The following KIAA1549 variants were observed in gnomAD, a reference collection of about 807,000 sequenced individuals.
KIAA1549 encodes the protein KIAA1549, also known as UPF0606 protein KIAA1549.
In KIAA1549, 70 loss-of-function variants were observed where a neutral mutation model predicts 156.4. That is an observed-to-expected ratio of 0.45 (90% CI 0.37 to 0.55). The LOEUF is 0.55. KIAA1549 is among the 20% of genes least tolerant of loss of function. The probability of loss-of-function intolerance (pLI) is 0.00; values close to 1 mark genes in which losing one functional copy is unlikely to be tolerated. For synonymous variants in KIAA1549, 1,103 were observed against 1,066.4 expected (o/e 1.03, Z -0.67); for missense variants, 2,428 against 2,540.9 (o/e 0.96, Z 0.96).
chr7:138,903,455 G>A, intron 8 of KIAA1549, 133 bp downstream of exon 8: 1 of 913,216 alleles, frequency 1.1e-6, no homozygotes, highest in Non-Finnish European at 1.6e-6. Context: ...ATAGCGATCA[G>A]TGGAAATCAG....
intron 17 of KIAA1549, among the ~76,000 whole-genome samples, chr7:138,850,307 G>C (rs1246666831): frequency 6.6e-6 from 1 of 152,040 alleles, no homozygotes; most frequent in Non-Finnish European, 1.5e-5. Flanking sequence ...TGAACTAATT[G>C]ACACTCTCAC....
intron 13 of KIAA1549, 31 bp from the exon 14 acceptor site, chr7:138,869,792 CA>C: frequency 6.5e-7 from 1 of 1,544,766 alleles, no homozygotes; most frequent in Non-Finnish European, 8.9e-7. Flanking sequence ...GAAAGACAGC[CA>C]TAGAGGTCCC....
At chr7:138,856,031 A>AT (rs1411790264) in intron 16 of KIAA1549, among the ~76,000 whole-genome samples, 1 of 148,894 alleles carries the variant, frequency 6.7e-6, no homozygotes, top group African/African-American at 2.5e-5. Context: ...TTTATTATTT[A>AT]TTTTATTTTT....
intron 1 of KIAA1549, among the ~76,000 whole-genome samples, chr7:138,980,009 A>G (rs1336679744): frequency 6.6e-6 from 1 of 152,186 alleles, no homozygotes. Flanking sequence ...GGCACTGGTT[A>G]TAATTCTCAC....
intron 10 of KIAA1549, among the ~76,000 whole-genome samples, chr7:138,882,134 A>G (rs1196423256): frequency 6.6e-6 from 1 of 152,230 alleles, no homozygotes; most frequent in Non-Finnish European, 1.5e-5. Context: ...ACCACTAAAC[A>G]TTTCTAAACA....
At position 138,916,799 on chromosome 7, in the gene KIAA1549, G is replaced by C; in HGVS notation, c.2827C>G (p.Pro943Ala). 6.2e-7 allele frequency: 1 copy of C among 1,613,964 alleles called. No individual in the cohort carries two copies. Among genetic ancestry groups the C allele is most frequent in the Non-Finnish European group, 8.5e-7 (1 of 1,179,870 alleles). The change falls in exon 2 of 20, where the codon CCG becomes GCG. Residue 943 changes from proline to alanine, a missense_variant. Physicochemically the swap from Pro to Ala is conservative, Grantham distance 27. Transcript: ENST00000422774. Reference protein sequence around the residue: ...VDTPTLATAKPPYVCDITVPD... With the variant: ...VDTPTLATAKAPYVCDITVPD... The stretch of plus-strand genomic sequence containing the variant: ...ACTGTGATATCACAAACATATGGCG[G>C]CTTGGCAGTAGCCAGTGTTGGTGTG...
chr7:138,930,170 G>A (rs902518719), intron 1 of KIAA1549, among the ~76,000 whole-genome samples: 16 of 152,150 alleles, frequency 1.1e-4, no homozygotes, highest in African/African-American at 2.9e-4. Context: ...TGTTCTGAGC[G>A]GTAGGTCTCA....
chr7:138,940,512 T>A (rs1464633758), intron 1 of KIAA1549, among the ~76,000 whole-genome samples: 2 of 151,514 alleles, frequency 1.3e-5, no homozygotes, highest in African/African-American at 4.9e-5. Context: ...TGATTTATAA[T>A]CCTTTGGGTA....
rs959066073 is a variant in KIAA1549, at chr7:138,835,015, T to C, written c.*2891A>G. On this transcript the variant is annotated 3_prime_UTR_variant, in exon 20 of 20. Transcript: ENST00000422774. ...ATTTCTCCAAACATTCTGACTCAAA[T>C]TTACAGTTTGTGTTACCACTAGAAC... is the stretch of plus-strand genomic sequence containing the variant. 4.4e-6 allele frequency: 1 copy of C among 225,132 alleles called. No individual in the cohort carries two copies. The highest frequency in any genetic ancestry group is 2.2e-5 in the African/African-American group (1 of 44,634). 13.9% of individuals were successfully genotyped at this position (225,132 alleles called of 1,614,324 possible).
intron 10 of KIAA1549, among the ~76,000 whole-genome samples, chr7:138,889,266 T>C (rs1811484222): frequency 1.3e-5 from 2 of 152,314 alleles, no homozygotes; most frequent in Admixed American, 6.5e-5. Flanking sequence ...ATTGCCTCTA[T>C]AGGGCGGTCT....
At chr7:138,933,786 C>T (rs1035145111) in intron 1 of KIAA1549, among the ~76,000 whole-genome samples, 1 of 152,094 alleles carries the variant, frequency 6.6e-6, no homozygotes, top group Non-Finnish European at 1.5e-5. Flanking sequence ...GCCAACATGG[C>T]GAAAAACCAT....
At chr7:138,855,404 C>T (rs1204885336) in intron 16 of KIAA1549, among the ~76,000 whole-genome samples, 3 of 152,292 alleles carry the variant, frequency 2.0e-5, no homozygotes, top group East Asian at 1.9e-4. Context: ...ACCCTAACAT[C>T]GTATATTCAA....
rs1809528666 is a variant in KIAA1549 at position 138,831,499 on chromosome 7, A to G, written c.*6407T>C. 1 of 216,850 alleles carries G rather than the reference A, an allele frequency of 4.6e-6. No individual in the cohort carries two copies. Among genetic ancestry groups the G allele is most frequent in the Non-Finnish European group, 9.3e-6 (1 of 107,806 alleles). The allele number at this position is 216,850 out of a possible 1,614,324, so 13.4% of individuals were successfully genotyped here. A position where few individuals can be genotyped will look rare whatever the true frequency, so the allele number is the denominator to read the frequency against. ...AATTATTTCAAAAACTCTACAGCAC[A>G]TTAGAAAACAGTGCAGCTATTGAAG... On this transcript the variant is annotated 3_prime_UTR_variant, in exon 20 of 20. Transcript: ENST00000422774.
chr7:138,950,471 A>C (rs187230254), intron 1 of KIAA1549, among the ~76,000 whole-genome samples: 1 of 152,286 alleles, frequency 6.6e-6, no homozygotes, highest in African/African-American at 2.4e-5. Flanking sequence ...CAGGGAGATG[A>C]ATTCCTGAAG....
At chr7:138,969,569 T>C (rs1222465655) in intron 1 of KIAA1549, among the ~76,000 whole-genome samples, 1 of 152,156 alleles carries the variant, frequency 6.6e-6, no homozygotes, top group Non-Finnish European at 1.5e-5. Flanking sequence ...CGTATATTTA[T>C]GGGTTATATG....
At chr7:138,920,006 G>A (rs907550845) in intron 1 of KIAA1549, among the ~76,000 whole-genome samples, 4 of 152,154 alleles carry the variant, frequency 2.6e-5, no homozygotes, top group African/African-American at 9.7e-5. Context: ...CAGTTGCTGA[G>A]GCTTCCACAT....
At chr7:138,942,506 T>C (rs572849040) in intron 1 of KIAA1549, among the ~76,000 whole-genome samples, 2 of 151,812 alleles carry the variant, frequency 1.3e-5, no homozygotes, top group South Asian at 4.2e-4. Context: ...ATCCGGTGGC[T>C]GAGGCCCACA....
chr7:138,923,946 T>C (rs1229152338), intron 1 of KIAA1549, among the ~76,000 whole-genome samples: 1 of 152,212 alleles, frequency 6.6e-6, no homozygotes, highest in Non-Finnish European at 1.5e-5. Flanking sequence ...AGGGTTATAT[T>C]CCTTTCTCTA....
At chr7:138,879,481 GC>G (rs1811179537) in intron 12 of KIAA1549, 56 bp downstream of exon 12, 2 of 1,021,594 alleles carry the variant, frequency 2.0e-6, no homozygotes, top group Non-Finnish European at 2.9e-6. Context: ...TAAGGCCCCA[GC>G]CTTTGGACTC....
Sources: allele counts gnomAD v4.1 joint callset (sites outside exome capture counted in the v4.1 genomes callset), GRCh38; gene constraint gnomAD v4.1.1; transcripts MANE v1.5; gene names NCBI Gene and HGNC (gene_info 2026-07-23, HGNC 2026-07-21).